The following PLAAT1 variants were observed in gnomAD, a reference collection of about 807,000 sequenced individuals.
PLAAT1 encodes H-REV107 protein-related protein.
Under a neutral mutation model 16.4 loss-of-function variants are expected in PLAAT1, and 13 were observed. The ratio of observed to expected loss-of-function variants is 0.79; its 90% CI spans 0.52 to 1.26. PLAAT1 has a LOEUF of 1.26. Among genes scored for constraint, PLAAT1 ranks in the 50% most tolerant of loss-of-function variants. The pLI is 0.00. For synonymous variants in PLAAT1, 73 were observed against 78.4 expected (o/e 0.93, Z 0.36); for missense variants, 218 against 207.8 (o/e 1.05, Z -0.30).
At chr3:193,278,447 C>T (rs112608028), downstream of PLAAT1, among the ~76,000 whole-genome samples, 426 of 152,306 alleles carry the variant, frequency 2.8e-3, 3 homozygotes, top group Middle Eastern at 0.044. Context: ...TCATACTCCA[C>T]AGCACATGGC....
At chr3:193,252,608 A>G (rs1716232389) in intron 1 of PLAAT1, among the ~76,000 whole-genome samples, 1 of 152,172 alleles carries the variant, frequency 6.6e-6, no homozygotes, top group Non-Finnish European at 1.5e-5. Context: ...TTTTGGTATC[A>G]AGTCTGGGAA....
chr3:193,241,027 T>C (rs1560094921), upstream of PLAAT1: 4 of 401,166 alleles, frequency 1.0e-5, no homozygotes, highest in Non-Finnish European at 1.7e-5. Context: ...AATAACTGGT[T>C]GCGCGGCGCT....
At chr3:193,275,857 T>C (rs961630206) in intron 2 of PLAAT1, among the ~76,000 whole-genome samples, 2 of 152,232 alleles carry the variant, frequency 1.3e-5, no homozygotes, top group African/African-American at 4.8e-5. Flanking sequence ...ACAATTTTTA[T>C]GTAGCTTTAG....
downstream of PLAAT1, among the ~76,000 whole-genome samples, chr3:193,274,306 G>A (rs1267839458): frequency 6.6e-6 from 1 of 152,156 alleles, no homozygotes; most frequent in Non-Finnish European, 1.5e-5. Context: ...GCTTCTTTAA[G>A]TAAAAGTATC....
chr3:193,256,044 G>C (rs943790422), intron 2 of PLAAT1, among the ~76,000 whole-genome samples: 3 of 151,896 alleles, frequency 2.0e-5, no homozygotes, highest in Non-Finnish European at 4.4e-5. Context: ...AACCAGCTGG[G>C]GAAAATATTT....
intron 3 of PLAAT1, among the ~76,000 whole-genome samples, chr3:193,266,145 G>A (rs1031866901): frequency 2.0e-5 from 3 of 152,062 alleles, no homozygotes; most frequent in East Asian, 1.9e-4. Flanking sequence ...GGGAGTGGGC[G>A]GAAGCTTTTG....
At chr3:193,241,633 A>G in intron 1 of PLAAT1, 100 bp downstream of exon 1, 2 of 827,680 alleles carry the variant, frequency 2.4e-6, no homozygotes, top group Non-Finnish European at 3.2e-6. Context: ...CTAGAGAACA[A>G]CGGAGCTTAT....
In PLAAT1 at chr3:193,255,767, C is replaced by T. The variant is rs747062796; in HGVS notation, c.117C>T (p.Tyr39=). 1.0e-4 allele frequency: 161 copies of T among 1,609,210 alleles called. No individual in the cohort carries two copies. Among genetic ancestry groups the T allele is most frequent in the Admixed American group, 3.0e-4 (18 of 59,672 alleles). ...QHWALYLGDG[Y]VINIAPVDGI... is the part of the protein sequence containing the mutation. Reference sequence around the variant, plus strand: ...GGGCCCTGTACTTGGGTGATGGTTACGTTATCAACATAGCACCTGTAGGTG... The same window carrying T: ...GGGCCCTGTACTTGGGTGATGGTTATGTTATCAACATAGCACCTGTAGGTG... Residue 39 remains tyrosine (Y), a synonymous_variant, in exon 2 of 4, where the codon TAC becomes TAT. Transcript: ENST00000264735.
At position 193,244,474 on chromosome 3, in the gene PLAAT1, T is replaced by G. The variant is rs539593168; in HGVS notation, c.-1+2941T>G. On this transcript the variant is annotated intron_variant, in intron 1 of 3. Coordinates refer to ENST00000264735, the MANE Select transcript of PLAAT1 (RefSeq NM_020386.5). ...TATAATGATATCTCATTTTGTTTTTTTTTTTTAAATTGACAATGATTTATA... is the reference window on the plus strand; with the variant it reads ...TATAATGATATCTCATTTTGTTTTTGTTTTTTAAATTGACAATGATTTATA... Among the ~76,000 whole-genome samples, 5 of 152,180 alleles carry G rather than the reference T, an allele frequency of 3.3e-5. No individual in the cohort carries two copies. In the East Asian group the frequency reaches 9.6e-4, roughly 29 times the overall value.
At position 193,241,359 on chromosome 3, in the gene PLAAT1, C is replaced by T. The variant is rs1488118279; in HGVS notation, c.-175C>T. ...GGCGGCGCTGGTGCTGGCGTTGGCCCTGGAGGACGGCCCCGAGTGATGGCT... is the reference window on the plus strand; with the variant it reads ...GGCGGCGCTGGTGCTGGCGTTGGCCTTGGAGGACGGCCCCGAGTGATGGCT... On this transcript the variant is annotated 5_prime_UTR_variant, in exon 1 of 4. Coordinates refer to ENST00000264735, the MANE Select transcript of PLAAT1 (RefSeq NM_020386.5). 1.5e-5 allele frequency: 18 copies of T among 1,231,506 alleles called. No homozygotes were observed. The East Asian group carries it at 1.6e-4, about 11-fold the overall frequency. The allele number at this position is 1,231,506 out of a possible 1,614,324, so 76.3% of individuals were successfully genotyped here.
intron 3 of PLAAT1, 65 bp from the exon 4 acceptor site, chr3:193,270,539 T>C: frequency 6.7e-7 from 1 of 1,486,052 alleles, no homozygotes; most frequent in South Asian, 1.3e-5. Context: ...GGCTAAAGCT[T>C]CATTTAGGAC....
At chr3:193,249,141 T>G (rs574850337) in intron 1 of PLAAT1, among the ~76,000 whole-genome samples, 1 of 152,136 alleles carries the variant, frequency 6.6e-6, no homozygotes, top group South Asian at 2.1e-4. Context: ...CCATATCTTA[T>G]TCCCTTCTAC....
downstream of PLAAT1, chr3:193,274,644 T>C (rs1717102806): frequency 5.5e-6 from 1 of 180,428 alleles, no homozygotes; most frequent in South Asian, 1.4e-4. Context: ...TAAATGTTCT[T>C]CACAAAGATT....
chr3:193,256,900 T>C (rs1399954989), intron 2 of PLAAT1, among the ~76,000 whole-genome samples: 3 of 152,230 alleles, frequency 2.0e-5, no homozygotes, highest in Admixed American at 6.5e-5. Flanking sequence ...TTTAGCCATA[T>C]GATATTAGTT....
At chr3:193,245,441 A>T (rs1040556980) in intron 1 of PLAAT1, among the ~76,000 whole-genome samples, 1 of 152,204 alleles carries the variant, frequency 6.6e-6, no homozygotes, top group Non-Finnish European at 1.5e-5. Context: ...TTTATCCATT[A>T]ATAGACACTT....
chr3:193,268,763 G>A (rs1171566652), intron 3 of PLAAT1, among the ~76,000 whole-genome samples: 1 of 152,114 alleles, frequency 6.6e-6, no homozygotes, highest in South Asian at 2.1e-4. Context: ...AGGGATTTTG[G>A]TTTGGGATCA....
upstream of PLAAT1, chr3:193,241,116 C>T (rs1410021344): frequency 3.1e-5 from 26 of 828,964 alleles, no homozygotes; most frequent in Non-Finnish European, 2.9e-6. Context: ...GGTGCAGTTC[C>T]CCGGCGGGCG....
chr3:193,240,682 T>TGTGTGTGTGTGTGTGTGTGTGG (rs1182255845), upstream of PLAAT1, among the ~76,000 whole-genome samples: 1 of 148,798 alleles, frequency 6.7e-6, no homozygotes, highest in Non-Finnish European at 1.5e-5. Flanking sequence ...TGTGTGTGTG[T>TGTGTGTGTGTGTGTGTGTGTGG]GTGGTTGGAG....
At chr3:193,248,299 G>T (rs1281168671) in intron 1 of PLAAT1, among the ~76,000 whole-genome samples, 1 of 151,814 alleles carries the variant, frequency 6.6e-6, no homozygotes, top group Non-Finnish European at 1.5e-5. Flanking sequence ...TGTTCTTAAA[G>T]GTTAAGAGAG....
Sources: gnomAD v4.1 joint callset for allele counts (sites outside exome capture counted in the v4.1 genomes callset) on GRCh38, gnomAD v4.1.1 for gene constraint, MANE v1.5 for transcripts, NCBI Gene and HGNC (gene_info 2026-07-23, HGNC 2026-07-21) for gene names.